Variants in ZNF544 observed in about 807,000 individuals in gnomAD.
ZNF544 encodes the protein zinc finger protein 544, also known as zinc finger protein AF020591.
Under a neutral mutation model 13.5 loss-of-function variants are expected in ZNF544, and 10 were observed. The observed-to-expected ratio is 0.74, with a 90% CI of 0.46 to 1.25. The LOEUF (loss-of-function observed/expected upper bound fraction) is 1.25. ZNF544 is among the 50% of genes most tolerant of loss of function. ZNF544 has a pLI of 0.00. For missense variants in ZNF544, 896 were observed against 845.6 expected (o/e 1.06, Z -0.74); for synonymous variants, 323 against 300.5 (o/e 1.07, Z -0.77).
At chr19:58,250,681 T>G (rs2046148940) in intron 6 of ZNF544, among the ~76,000 whole-genome samples, 1 of 152,168 alleles carries the variant, frequency 6.6e-6, no homozygotes, top group South Asian at 2.1e-4. Context: ...TACATTGATA[T>G]TGGGCCCCAA....
intron 6 of ZNF544, among the ~76,000 whole-genome samples, chr19:58,253,870 C>T (rs1483762537): frequency 1.3e-5 from 2 of 152,170 alleles, no homozygotes; most frequent in Admixed American, 6.5e-5. Flanking sequence ...AAATATAAAA[C>T]CATATATGTT....
chr19:58,252,182 T>C (rs2046395789), intron 6 of ZNF544, among the ~76,000 whole-genome samples: 1 of 152,222 alleles, frequency 6.6e-6, no homozygotes, highest in Non-Finnish European at 1.5e-5. Context: ...GAATCCCTTC[T>C]ACAATTAATT....
At chr19:58,267,000 A>G (rs2050001100), downstream of ZNF544, 1 of 149,202 alleles carries the variant, frequency 6.7e-6, no homozygotes. Context: ...AGCAAAAGAT[A>G]AAGTCTCCAT....
chr19:58,245,240 C>T (rs916465320), intron 4 of ZNF544, among the ~76,000 whole-genome samples: 2 of 148,910 alleles, frequency 1.3e-5, no homozygotes, highest in African/African-American at 5.1e-5. Flanking sequence ...GCGCCCGACC[C>T]CCTGTCACCT....
chr19:58,254,864 C>CTTT (rs557178874), intron 6 of ZNF544, among the ~76,000 whole-genome samples: 5 of 139,018 alleles, frequency 3.6e-5, no homozygotes, highest in Non-Finnish European at 4.7e-5. Context: ...TTCTTTCTTT[C>CTTT]TTTTTTTTTT....
chr19:58,244,112 C>CCAGGA, intron 4 of ZNF544, 56 bp downstream of exon 4: 1 of 1,479,118 alleles, frequency 6.8e-7, no homozygotes, highest in Non-Finnish European at 9.3e-7. Flanking sequence ...TAAAATGGGT[C>CCAGGA]CAGGAATAGC....
At chr19:58,268,545 C>G (rs2050223748), downstream of ZNF544, among the ~76,000 whole-genome samples, 1 of 152,176 alleles carries the variant, frequency 6.6e-6, no homozygotes, top group Admixed American at 6.5e-5. Flanking sequence ...GGAACAATGG[C>G]AAGAGCACAC....
At chr19:58,251,350 G>C (rs775082841) in intron 6 of ZNF544, 3 of 519,018 alleles carry the variant, frequency 5.8e-6, no homozygotes, top group South Asian at 1.4e-5. Flanking sequence ...GTGGCTGATG[G>C]GAGCTTCAGG....
At chr19:58,230,040 C>T (rs2040875642) in intron 2 of ZNF544, 1 of 152,494 alleles carries the variant, frequency 6.6e-6, no homozygotes, top group Non-Finnish European at 1.5e-5. Context: ...ATGTGGGTGA[C>T]ATGGCTGAAT....
downstream of ZNF544, among the ~76,000 whole-genome samples, chr19:58,266,155 G>A (rs536365826): frequency 8.0e-4 from 113 of 141,448 alleles, no homozygotes; most frequent in Admixed American, 1.4e-3. Context: ...GCAGTGAGCC[G>A]AGACTGCGCC....
At chr19:58,273,668 C>T (rs1197801454) in intron 5 of ZNF544, among the ~76,000 whole-genome samples, 6 of 143,368 alleles carry the variant, frequency 4.2e-5, no homozygotes, top group African/African-American at 5.2e-5. Context: ...CCAGCCTGGG[C>T]GACAGAGTGA....
intron 3 of ZNF544, among the ~76,000 whole-genome samples, chr19:58,235,105 G>C (rs1459206592): frequency 2.0e-5 from 3 of 152,172 alleles, no homozygotes; most frequent in Non-Finnish European, 2.9e-5. Context: ...ACTTTGTTGT[G>C]TGAACATCAT....
chr19:58,277,374 C>G (rs2051290764), exon 7 of ZNF544: 3 of 681,132 alleles, frequency 4.4e-6, no homozygotes, highest in African/African-American at 1.9e-5. Context: ...AGGGCCATGT[C>G]ATGGTTGATC....
In ZNF544 at chr19:58,263,108, C is replaced by T; in HGVS notation, c.*354C>T. 9.7e-7 allele frequency: 1 copy of T among 1,035,762 alleles called. No homozygotes were observed. Among genetic ancestry groups the T allele is most frequent in the Non-Finnish European group, 1.2e-6 (1 of 860,116 alleles). 64.2% of individuals were successfully genotyped at this position (1,035,762 alleles called of 1,614,324 possible). A position where few individuals can be genotyped will look rare whatever the true frequency, so the allele number is the denominator to read the frequency against. ...ATGTTAACAAATGTGGAAAAGCTTCCAGTTATGATACTTTCCTTATTCAAC... is the reference window on the plus strand; with the variant it reads ...ATGTTAACAAATGTGGAAAAGCTTCTAGTTATGATACTTTCCTTATTCAAC... On this transcript the variant is annotated 3_prime_UTR_variant, in exon 7 of 7. Transcript: ENST00000687789.
chr19:58,248,006 C>CA (rs1390251417), intron 6 of ZNF544, among the ~76,000 whole-genome samples: 25 of 152,120 alleles, frequency 1.6e-4, no homozygotes, highest in Admixed American at 3.9e-4. Flanking sequence ...CTCCGCCCCC[C>CA]AGGTTCAAGT....
chr19:58,265,575 A>G (rs1487003839), downstream of ZNF544, among the ~76,000 whole-genome samples: 1 of 151,684 alleles, frequency 6.6e-6, no homozygotes, highest in Non-Finnish European at 1.5e-5. Context: ...GATTACAGGC[A>G]TGAGCCGCCA....
Position 58,244,010 on chromosome 19 carries a change from G to T in ZNF544, c.-14G>T. On this transcript the variant is annotated 5_prime_UTR_variant, in exon 4 of 7. The change creates a new upstream start codon in the 5' untranslated region. Coordinates refer to ENST00000687789, the MANE Select transcript of ZNF544 (RefSeq NM_014480.4). ...TGCCCTCTACACAGCGGCCTCTTCA[G>T]GTGCAGGGAGGAAATGGAAGCACGT... The T allele has an allele frequency of 6.2e-7, 1 of 1,606,002 alleles. No homozygotes were observed. Among genetic ancestry groups the T allele is most frequent in the South Asian group, 1.1e-5 (1 of 89,370 alleles).
At chr19:58,237,787 A>G (rs747029083) in intron 3 of ZNF544, among the ~76,000 whole-genome samples, 1 of 152,188 alleles carries the variant, frequency 6.6e-6, no homozygotes, top group East Asian at 1.9e-4. Flanking sequence ...CATGGCCAGT[A>G]TTCGGCATGG....
Position 58,261,747 on chromosome 19 carries a change from G to C in ZNF544, c.1141G>C (p.Glu381Gln), listed in dbSNP as rs756389353. ...QRTHTGEKPF[E>Q]CTQCGKSFSQ... is the part of the protein sequence containing the mutation. ...AACACACACTGGAGAAAAGCCCTTC[G>C]AATGTACTCAGTGTGGGAAATCTTT... Residue 381 changes from glutamate to glutamine, a missense_variant, in exon 7 of 7, where the codon GAA becomes CAA. Transcript: ENST00000687789. The C allele has an allele frequency of 4.3e-6, 7 of 1,613,874 alleles. No homozygotes were observed. The highest frequency in any genetic ancestry group is 5.9e-6 in the Non-Finnish European group (7 of 1,179,964).
Sources: allele counts gnomAD v4.1 joint callset (sites outside exome capture counted in the v4.1 genomes callset), GRCh38; gene constraint gnomAD v4.1.1; transcripts MANE v1.5; gene names NCBI Gene and HGNC (gene_info 2026-07-23, HGNC 2026-07-21).